Variants in TANC1 observed in about 807,000 individuals in gnomAD.
The protein encoded by TANC1 is tetratricopeptide repeat, ankyrin repeat and coiled-coil containing 1.
Under a neutral mutation model 149.7 loss-of-function variants are expected in TANC1, and 77 were observed. That is an observed-to-expected ratio of 0.51 (90% CI 0.43 to 0.62). The LOEUF (loss-of-function observed/expected upper bound fraction) is 0.62. Ranked by LOEUF, TANC1 falls within the 20% of genes least tolerant of loss-of-function variation. TANC1 has a pLI of 0.00. For missense variants in TANC1, 1,985 were observed against 2,321.8 expected (o/e 0.85, Z 2.98); for synonymous variants, 854 against 925.0 (o/e 0.92, Z 1.39).
At chr2:159,031,987 C>A (rs531951086) in intron 2 of TANC1, among the ~76,000 whole-genome samples, 3 of 152,176 alleles carry the variant, frequency 2.0e-5, no homozygotes, top group African/African-American at 7.2e-5. Context: ...ACTACAGAAA[C>A]GCTTAGGCTG....
intron 7 of TANC1, among the ~76,000 whole-genome samples, chr2:159,158,904 T>A (rs1377491037): frequency 6.6e-6 from 1 of 152,214 alleles, no homozygotes; most frequent in African/African-American, 2.4e-5. Context: ...CCCCTTGCTC[T>A]TTTCACCCTT....
At chr2:159,186,070 C>T (rs540013695) in intron 15 of TANC1, among the ~76,000 whole-genome samples, 171 bp downstream of exon 15, 1 of 152,306 alleles carries the variant, frequency 6.6e-6, no homozygotes, top group East Asian at 1.9e-4. Context: ...TCTGACTCAG[C>T]CTGGGCATTT....
chr2:159,185,518 T>G (rs1421744771), intron 14 of TANC1, among the ~76,000 whole-genome samples: 1 of 152,324 alleles, frequency 6.6e-6, no homozygotes, highest in Non-Finnish European at 1.5e-5. Flanking sequence ...CTAGTGGTGG[T>G]GATCCTGAGG....
intron 1 of TANC1, among the ~76,000 whole-genome samples, chr2:158,971,101 C>T (rs2032811961): frequency 6.6e-6 from 1 of 152,196 alleles, no homozygotes. Flanking sequence ...TAGGTTTTGA[C>T]ACTGGGTGAT....
At chr2:159,026,049 T>A (rs1024145566) in intron 2 of TANC1, among the ~76,000 whole-genome samples, 10 of 152,196 alleles carry the variant, frequency 6.6e-5, no homozygotes, top group African/African-American at 2.4e-4. Context: ...TCATCTTGCC[T>A]CAGCTTCCCA....
At chr2:159,029,444 A>G (rs922734454) in intron 2 of TANC1, among the ~76,000 whole-genome samples, 2 of 152,328 alleles carry the variant, frequency 1.3e-5, no homozygotes, top group East Asian at 1.9e-4. Context: ...CATGTAATGC[A>G]TGGCATACAG....
intron 3 of TANC1, among the ~76,000 whole-genome samples, chr2:159,082,836 G>C (rs77069264): frequency 2.0e-5 from 3 of 152,322 alleles, no homozygotes; most frequent in Non-Finnish European, 1.5e-5. Flanking sequence ...TAATTGTGTA[G>C]TGCAGTGATT....
intron 2 of TANC1, among the ~76,000 whole-genome samples, chr2:159,024,274 T>C (rs1301315408): frequency 1.3e-5 from 2 of 152,182 alleles, no homozygotes; most frequent in Non-Finnish European, 2.9e-5. Flanking sequence ...CATTATAATG[T>C]TATAGTGCAG....
At chr2:159,175,756 T>C (rs1184745826) in intron 12 of TANC1, among the ~76,000 whole-genome samples, 1 of 152,250 alleles carries the variant, frequency 6.6e-6, no homozygotes, top group East Asian at 1.9e-4. Flanking sequence ...TGCTGGAAGG[T>C]GCTAGAGGGA....
intron 4 of TANC1, 104 bp from the exon 5 acceptor site, chr2:159,136,090 T>A: frequency 2.3e-5 from 14 of 614,320 alleles, no homozygotes; most frequent in African/African-American, 3.9e-5. Flanking sequence ...CACTGGCTCT[T>A]CCTCTAGGCA....
In TANC1 at chr2:159,061,969, A is replaced by G. The variant is rs113272129; in HGVS notation, c.-15-3927A>G. Reference sequence around the variant, plus strand: ...TAATATAAAGTAGGCCGGGCGTGGTAGTTCACACCTGTAATCCCAGCACTT... The same window carrying G: ...TAATATAAAGTAGGCCGGGCGTGGTGGTTCACACCTGTAATCCCAGCACTT... On this transcript the variant is annotated intron_variant, in intron 2 of 26. Transcript: ENST00000263635. Among the ~76,000 whole-genome samples the G allele has an allele frequency of 7.0e-3, 1,063 of 152,236 alleles. 12 individuals are homozygous for G. Among genetic ancestry groups the G allele is most frequent in the African/African-American group, 0.024 (989 of 41,538 alleles).
rs999471252 is a variant in TANC1, at chr2:159,163,552, G to T, written c.946+6G>T. On this transcript the variant is annotated splice_donor_region_variant and intron_variant, in intron 8 of 26. Coordinates refer to ENST00000263635, the MANE Select transcript of TANC1 (RefSeq NM_033394.3). Reference sequence around the variant, plus strand: ...ACGGCCCAACTCAGTTGCAGGTAAGGCCACACCTTTCCCTGGAAGGATTAT... The same window carrying T: ...ACGGCCCAACTCAGTTGCAGGTAAGTCCACACCTTTCCCTGGAAGGATTAT... The T allele has an allele frequency of 5.6e-6, 9 of 1,607,246 alleles. No homozygotes were observed. Among genetic ancestry groups the T allele is most frequent in the Non-Finnish European group, 6.8e-6 (8 of 1,176,106 alleles).
Position 159,161,791 on chromosome 2 carries a change from G to A in TANC1, c.683-1492G>A, listed in dbSNP as rs529552668. Among the ~76,000 whole-genome samples the A allele has an allele frequency of 7.9e-5, 12 of 152,352 alleles. No homozygotes were observed. In the South Asian group the frequency reaches 2.1e-3, roughly 26 times the overall value. On this transcript the variant is annotated intron_variant, in intron 7 of 26. Transcript: ENST00000263635. ...ACTGGCAAATGCTGGGAATCATAACGATGGGCACCCAAAATCAGATCCTGA... is the reference window on the plus strand; with the variant it reads ...ACTGGCAAATGCTGGGAATCATAACAATGGGCACCCAAAATCAGATCCTGA...
intron 2 of TANC1, among the ~76,000 whole-genome samples, chr2:159,023,733 G>A (rs577366221): frequency 1.4e-4 from 21 of 152,206 alleles, no homozygotes; most frequent in Admixed American, 4.6e-4. Flanking sequence ...TTGTGAGGCC[G>A]AGGTGGGTGG....
Position 159,103,891 on chromosome 2 carries a change from A to G in TANC1, c.259+6057A>G, listed in dbSNP as rs77414491. 5.2e-5 allele frequency among the ~76,000 whole-genome samples: 5 copies of G among 96,750 alleles called. 1 individual carries two copies. Among genetic ancestry groups the G allele is most frequent in the African/African-American group, 1.4e-4 (5 of 34,974 alleles). 63.5% of individuals were successfully genotyped at this position (96,750 alleles called of 152,430 possible). A position where few individuals can be genotyped will look rare whatever the true frequency, so the allele number is the denominator to read the frequency against. ...TACGTTGTTGGCTTGTGAGCTGTAAATAATGTGAGTGTGTTCTGATTTCAT... is the reference window on the plus strand; with the variant it reads ...TACGTTGTTGGCTTGTGAGCTGTAAGTAATGTGAGTGTGTTCTGATTTCAT... On this transcript the variant is annotated intron_variant, in intron 4 of 26. Transcript: ENST00000263635.
At chr2:159,150,221 C>T (rs768706780) in intron 6 of TANC1, 149 bp from the exon 7 acceptor site, 33 of 598,080 alleles carry the variant, frequency 5.5e-5, no homozygotes, top group Non-Finnish European at 8.7e-5. Flanking sequence ...TCCATGAATC[C>T]ATATCTATAC....
intron 3 of TANC1, among the ~76,000 whole-genome samples, chr2:159,070,696 G>A (rs1434720186): frequency 6.6e-6 from 1 of 152,244 alleles, no homozygotes; most frequent in Admixed American, 6.5e-5. Context: ...CTAGCTGCAT[G>A]AGAGAGCCCG....
At chr2:159,135,962 G>T (rs558942903) in intron 4 of TANC1, among the ~76,000 whole-genome samples, 1 of 151,326 alleles carries the variant, frequency 6.6e-6, no homozygotes. Flanking sequence ...TTTCTTCTTT[G>T]GCAGGCCAGA....
intron 5 of TANC1, among the ~76,000 whole-genome samples, chr2:159,141,725 C>G (rs962463828): frequency 1.3e-5 from 2 of 152,140 alleles, no homozygotes; most frequent in Non-Finnish European, 2.9e-5. Flanking sequence ...AGGCAAGTTA[C>G]AGTAGGGAAA....
Sources: allele counts gnomAD v4.1 joint callset (sites outside exome capture counted in the v4.1 genomes callset), GRCh38; gene constraint gnomAD v4.1.1; transcripts MANE v1.5; gene names NCBI Gene and HGNC (gene_info 2026-07-23, HGNC 2026-07-21).